The following RAB39A variants were observed in gnomAD, a reference collection of about 807,000 sequenced individuals.
RAB39A encodes the protein RAB39A, member RAS oncogene family.
In RAB39A, 17 loss-of-function variants were observed where a neutral mutation model predicts 20.9. The ratio of observed to expected loss-of-function variants is 0.81; its 90% CI spans 0.56 to 1.22. The LOEUF (loss-of-function observed/expected upper bound fraction) is 1.22. Ranked by LOEUF, RAB39A falls within the 50% of genes most tolerant of loss-of-function variation. The probability of loss-of-function intolerance (pLI) is 0.00; values close to 1 mark genes in which losing one functional copy is unlikely to be tolerated. For synonymous variants in RAB39A, 99 were observed against 103.4 expected, an observed-to-expected ratio of 0.96 and a Z score of 0.26; for missense variants, 234 against 270.5, an observed-to-expected ratio of 0.87 and a Z score of 0.95.
In RAB39A at chr11:107,954,157, G is replaced by C. The variant is rs149075942; in HGVS notation, c.228-7789G>C. Among the ~76,000 whole-genome samples, 8 of 152,276 alleles carry C rather than the reference G, an allele frequency of 5.3e-5. 1 individual carries two copies. The East Asian group carries it at 1.5e-3, about 29-fold the overall frequency. ...CCCCAGAGTAAGGTACAATATTCAG[G>C]ATGTCGGTAGCTACTGGAAAACTGG... On this transcript the variant is annotated intron_variant, in intron 1 of 1. Transcript: ENST00000320578.
At chr11:107,954,864 T>C (rs373820821) in intron 1 of RAB39A, among the ~76,000 whole-genome samples, 8 of 152,130 alleles carry the variant, frequency 5.3e-5, no homozygotes, top group African/African-American at 1.9e-4. Context: ...CAGCTTATGA[T>C]AGACATTCAG....
chr11:107,928,829 C>G lies in RAB39A; in HGVS notation c.227+34C>G. On this transcript the variant is annotated intron_variant, in intron 1 of 1. Coordinates refer to ENST00000320578, the MANE Select transcript of RAB39A (RefSeq NM_017516.3). This position sits in a 1 kb window ranked among gnomAD's most constrained non-coding sequence, Gnocchi z 4.9. ...CCCGGGGACCTTGGGCACCGCGCCGCCCCCTCAGCCCGCCCGGACGCCCCT... is the reference window on the plus strand; with the variant it reads ...CCCGGGGACCTTGGGCACCGCGCCGGCCCCTCAGCCCGCCCGGACGCCCCT... 1 of 1,459,824 alleles carries G rather than the reference C, an allele frequency of 6.9e-7. No individual in the cohort carries two copies. The highest frequency in any genetic ancestry group is 9.2e-7 in the Non-Finnish European group (1 of 1,087,248). The allele number at this position is 1,459,824 out of a possible 1,614,324, so 90.4% of individuals were successfully genotyped here.
At chr11:107,933,469 T>TC (rs1861161538) in intron 1 of RAB39A, among the ~76,000 whole-genome samples, 1 of 126,364 alleles carries the variant, frequency 7.9e-6, no homozygotes, top group Non-Finnish European at 1.6e-5. Flanking sequence ...AACCCCCACC[T>TC]CCCAGGTTCA....
At chr11:107,944,736 A>G (rs1321992500) in intron 1 of RAB39A, among the ~76,000 whole-genome samples, 1 of 152,206 alleles carries the variant, frequency 6.6e-6, no homozygotes, top group Non-Finnish European at 1.5e-5. Flanking sequence ...TACTTAAATA[A>G]GTTTCAGTGA....
At chr11:107,935,877 C>T (rs867421942) in intron 1 of RAB39A, among the ~76,000 whole-genome samples, 2 of 145,496 alleles carry the variant, frequency 1.4e-5, no homozygotes, top group Non-Finnish European at 3.0e-5. Context: ...TTCTGGGGAA[C>T]GCAGCCCAGC....
At chr11:107,958,473 C>T (rs187843380) in intron 1 of RAB39A, among the ~76,000 whole-genome samples, 1 of 152,316 alleles carries the variant, frequency 6.6e-6, no homozygotes, top group East Asian at 1.9e-4. Flanking sequence ...AGTTTTCCAT[C>T]TGAAGCTCTG....
chr11:107,941,902 C>G (rs983460601), intron 1 of RAB39A, among the ~76,000 whole-genome samples: 1 of 151,898 alleles, frequency 6.6e-6, no homozygotes. Flanking sequence ...AGTTGGAGAC[C>G]AGCCTGGCCA....
At chr11:107,936,418 A>C (rs528627308) in intron 1 of RAB39A, among the ~76,000 whole-genome samples, 3 of 91,486 alleles carry the variant, frequency 3.3e-5, no homozygotes, top group African/African-American at 8.6e-5. Flanking sequence ...CCACTGGCTT[A>C]TCTTCTCTTC....
At chr11:107,944,686 G>C (rs1861292407) in intron 1 of RAB39A, among the ~76,000 whole-genome samples, 2 of 151,974 alleles carry the variant, frequency 1.3e-5, no homozygotes, top group Admixed American at 1.3e-4. Flanking sequence ...CGCCAGGCCA[G>C]AAAGAAAATA....
intron 1 of RAB39A, among the ~76,000 whole-genome samples, chr11:107,953,478 T>C (rs1861402798): frequency 1.3e-5 from 2 of 152,076 alleles, no homozygotes; most frequent in Non-Finnish European, 2.9e-5. Context: ...GCCAGTGTGG[T>C]CCCCATGATA....
At position 107,932,367 on chromosome 11, in the gene RAB39A, T is replaced by C. The variant is rs1861146313; in HGVS notation, c.227+3572T>C. ...TATTTCTCTCTTGTGTATAGAGTGGTCCAAGTTGGTGGAGTGGTTCTGCAC... is the reference window on the plus strand; with the variant it reads ...TATTTCTCTCTTGTGTATAGAGTGGCCCAAGTTGGTGGAGTGGTTCTGCAC... On this transcript the variant is annotated intron_variant, in intron 1 of 1. Transcript: ENST00000320578. 2.0e-5 allele frequency among the ~76,000 whole-genome samples: 3 copies of C among 152,232 alleles called. No individual in the cohort carries two copies. The South Asian group carries it at 6.2e-4, about 31-fold the overall frequency.
chr11:107,936,911 G>A (rs1247054343), intron 1 of RAB39A, among the ~76,000 whole-genome samples: 1 of 148,566 alleles, frequency 6.7e-6, no homozygotes, highest in Admixed American at 7.0e-5. Flanking sequence ...TCCAGCCTGG[G>A]TGACAGAGCG....
intron 1 of RAB39A, among the ~76,000 whole-genome samples, chr11:107,957,321 A>G (rs1200673577): frequency 6.6e-6 from 1 of 151,666 alleles, no homozygotes; most frequent in African/African-American, 2.4e-5. Context: ...CATAAGCCTC[A>G]AAGGAGCAGG....
intron 1 of RAB39A, among the ~76,000 whole-genome samples, chr11:107,929,188 C>G (rs994938885): frequency 6.6e-6 from 1 of 152,222 alleles, no homozygotes; most frequent in Non-Finnish European, 1.5e-5. Context: ...CACCCTCCTC[C>G]AAGCAGGCGC....
intron 1 of RAB39A, among the ~76,000 whole-genome samples, chr11:107,949,518 T>C (rs749190328): frequency 3.3e-5 from 5 of 152,084 alleles, no homozygotes; most frequent in Non-Finnish European, 7.4e-5. Flanking sequence ...GGTGGGAGAA[T>C]TATAACCCAA....
chr11:107,945,884 G>C (rs561557914), intron 1 of RAB39A, among the ~76,000 whole-genome samples: 25 of 152,262 alleles, frequency 1.6e-4, no homozygotes, highest in Admixed American at 5.2e-4. Flanking sequence ...GGCTTTAAGT[G>C]AATGTTGTTA....
At chr11:107,941,304 A>G (rs1861256333) in intron 1 of RAB39A, among the ~76,000 whole-genome samples, 1 of 152,150 alleles carries the variant, frequency 6.6e-6, no homozygotes, top group Admixed American at 6.5e-5. Flanking sequence ...AGTGTTTTGC[A>G]GTACTAGTGT....
intron 1 of RAB39A, among the ~76,000 whole-genome samples, chr11:107,936,115 G>A (rs1305158771): frequency 6.6e-6 from 1 of 151,864 alleles, no homozygotes; most frequent in African/African-American, 2.4e-5. Flanking sequence ...GGCCAGGCTG[G>A]TCTCGAATTC....
intron 1 of RAB39A, among the ~76,000 whole-genome samples, chr11:107,932,885 A>T (rs1236927967): frequency 2.0e-5 from 3 of 151,858 alleles, no homozygotes; most frequent in Non-Finnish European, 2.9e-5. Flanking sequence ...TAATTTTTGT[A>T]TTTTTAGTAG....
Sources: allele counts gnomAD v4.1 joint callset (sites outside exome capture counted in the v4.1 genomes callset), GRCh38; gene constraint gnomAD v4.1.1; non-coding constraint Gnocchi (gnomAD v3.1); transcripts MANE v1.5; gene names NCBI Gene and HGNC (gene_info 2026-07-23, HGNC 2026-07-21).